Variants in METTL9 observed in about 807,000 individuals in gnomAD.
The protein encoded by METTL9 is protein-L-histidine N-pros-methyltransferase.
Under a neutral mutation model 36.0 loss-of-function variants are expected in METTL9, and 10 were observed. The observed-to-expected ratio is 0.28, with a 90% CI of 0.17 to 0.47. METTL9 has a LOEUF of 0.47. Ranked by LOEUF, METTL9 falls within the 20% of genes least tolerant of loss-of-function variation. The pLI is 0.99. For synonymous variants in METTL9, 175 were observed against 149.7 expected, an observed-to-expected ratio of 1.17 and a Z score of -1.23; for missense variants, 246 against 383.5, an observed-to-expected ratio of 0.64 and a Z score of 3.00.
intron 2 of METTL9, among the ~76,000 whole-genome samples, chr16:21,616,118 A>G (rs1385020586): frequency 6.6e-6 from 1 of 152,208 alleles, no homozygotes; most frequent in Non-Finnish European, 1.5e-5. Flanking sequence ...ACCGTGTTGC[A>G]TGCATCTTTC....
At chr16:21,648,401 C>T (rs1296002597) in intron 4 of METTL9, among the ~76,000 whole-genome samples, 1 of 152,118 alleles carries the variant, frequency 6.6e-6, no homozygotes, top group Non-Finnish European at 1.5e-5. Context: ...GTTTACCTGC[C>T]TAAGCTATAG....
chr16:21,602,789 C>G (rs1965170926), intron 1 of METTL9, among the ~76,000 whole-genome samples: 1 of 151,916 alleles, frequency 6.6e-6, no homozygotes, highest in Admixed American at 6.6e-5. Context: ...TCCCGAGTAG[C>G]TGGGATTACA....
At chr16:21,645,756 T>C (rs548071196) in intron 4 of METTL9, among the ~76,000 whole-genome samples, 1 of 152,352 alleles carries the variant, frequency 6.6e-6, no homozygotes, top group Non-Finnish European at 1.5e-5. Flanking sequence ...GCTAATGCAG[T>C]GAGACATACA....
At chr16:21,645,055 G>A (rs775631458) in intron 4 of METTL9, among the ~76,000 whole-genome samples, 67 of 152,168 alleles carry the variant, frequency 4.4e-4, no homozygotes, top group Admixed American at 1.7e-3. Context: ...TCTGGGTAGG[G>A]ATTAAGTAAC....
At chr16:21,628,598 A>G (rs1389568916) in intron 4 of METTL9, among the ~76,000 whole-genome samples, 1 of 151,818 alleles carries the variant, frequency 6.6e-6, no homozygotes, top group African/African-American at 2.4e-5. Flanking sequence ...GGCTCAAGCT[A>G]TTCTCCCACC....
At chr16:21,614,264 G>A (rs1965500730) in intron 2 of METTL9, among the ~76,000 whole-genome samples, 1 of 152,122 alleles carries the variant, frequency 6.6e-6, no homozygotes, top group Admixed American at 6.6e-5. Context: ...ATGAGTCACT[G>A]TAGCAGAGAT....
chr16:21,635,320 G>A (rs922851166), intron 4 of METTL9, among the ~76,000 whole-genome samples: 1 of 152,044 alleles, frequency 6.6e-6, no homozygotes, highest in South Asian at 2.1e-4. Flanking sequence ...GGAGGTTTGT[G>A]GTCCTTTGGA....
intron 1 of METTL9, among the ~76,000 whole-genome samples, chr16:21,607,363 C>T (rs187210302): frequency 5.9e-5 from 9 of 152,228 alleles, no homozygotes; most frequent in Admixed American, 2.0e-4. Flanking sequence ...TGTGAGCCAT[C>T]GTAGCCAGCC....
chr16:21,621,609 G>T (rs947784061), intron 3 of METTL9, among the ~76,000 whole-genome samples: 1 of 152,028 alleles, frequency 6.6e-6, no homozygotes, highest in African/African-American at 2.4e-5. Context: ...TTATAGGTGT[G>T]AGTCACTGCG....
intron 1 of METTL9, among the ~76,000 whole-genome samples, chr16:21,605,629 T>A (rs2007258389): frequency 6.6e-6 from 1 of 152,190 alleles, no homozygotes; most frequent in Non-Finnish European, 1.5e-5. Flanking sequence ...GTGTGCACAA[T>A]ACTTGTTGAA....
chr16:21,597,253 T>C, upstream of METTL9: 2 of 1,288,920 alleles, frequency 1.6e-6, no homozygotes, highest in Non-Finnish European at 2.0e-6. Context: ...CAAAGCTTCT[T>C]AGATGGATCG....
At chr16:21,649,746 C>T (rs1234950965) in intron 4 of METTL9, among the ~76,000 whole-genome samples, 1 of 152,058 alleles carries the variant, frequency 6.6e-6, no homozygotes, top group African/African-American at 2.4e-5. Flanking sequence ...ACTGTGTCGC[C>T]CAAACTGGAA....
chr16:21,643,279 T>A, intron 4 of METTL9: 2 of 711,210 alleles, frequency 2.8e-6, no homozygotes, highest in South Asian at 3.2e-5. Context: ...CCCCAACACA[T>A]ATGTGCCTAC....
intron 3 of METTL9, among the ~76,000 whole-genome samples, chr16:21,624,004 C>T (rs59062763): frequency 0.033 from 5,024 of 152,222 alleles, 305 homozygotes; most frequent in African/African-American, 0.11. Context: ...CTCCTGACCT[C>T]ATGATCCGCC....
Position 21,618,041 on chromosome 16 carries a change from C to G in METTL9, c.533C>G (p.Thr178Ser). The G allele has an allele frequency of 6.3e-7, 1 of 1,590,370 alleles. No individual in the cohort carries two copies. ...EEIYATELSETMIWQLQKKKY... is the reference protein window; with the variant it reads ...EEIYATELSESMIWQLQKKKY... ...ATCTATGCCACTGAGCTTTCTGAAA[C>G]TATGATATGGCAGCTTCAGAAAAAG... Residue 178 changes from threonine (T) to serine (S), a missense_variant, in exon 3 of 5, where the codon ACT becomes AGT. This residue lies in a region of METTL9 where 146 missense variants were observed against 302.1 expected (regional missense o/e 0.48). Coordinates refer to ENST00000358154, the MANE Select transcript of METTL9 (RefSeq NM_016025.5).
At chr16:21,599,497 A>T (rs959754755), upstream of METTL9, 3 of 1,212,880 alleles carry the variant, frequency 2.5e-6, no homozygotes, top group East Asian at 1.1e-4. This position sits in a 1 kb window ranked among gnomAD's most constrained non-coding sequence, Gnocchi z 4.4. Context: ...AGTGCTCCGG[A>T]TGGAAACTGG....
intron 1 of METTL9, among the ~76,000 whole-genome samples, chr16:21,611,705 C>T (rs932379052): frequency 6.6e-6 from 1 of 152,054 alleles, no homozygotes; most frequent in Admixed American, 6.5e-5. Context: ...CTCTAGTCTA[C>T]AAATGAATGG....
chr16:21,624,973 TGA>T lies in METTL9; in HGVS notation c.610_611del (p.Asp204CysfsTer12). On this transcript the variant is annotated frameshift_variant, in exon 4 of 5. Transcript: ENST00000358154. LOFTEE classifies it high-confidence loss of function. ...AATGGCAGAATACGGGGTTCCAGTATGATGTCATCAGCTGCCTGAACTTGCTG... is the reference window on the plus strand; with the variant it reads ...AATGGCAGAATACGGGGTTCCAGTATTGTCATCAGCTGCCTGAACTTGCTG... ...NEWQNTGFQY[D>X]VISCLNLLDR... is the part of the protein sequence containing the mutation. 6.2e-7 allele frequency: 1 copy of T among 1,614,164 alleles called. No homozygotes were observed. The highest frequency in any genetic ancestry group is 8.5e-7 in the Non-Finnish European group (1 of 1,180,038).
chr16:21,622,068 C>T (rs188262925), intron 3 of METTL9, among the ~76,000 whole-genome samples: 1 of 150,606 alleles, frequency 6.6e-6, no homozygotes, highest in Admixed American at 6.7e-5. Context: ...TCTTGAACTC[C>T]TGAGCTCAGG....
Sources: gnomAD v4.1 joint callset for allele counts (sites outside exome capture counted in the v4.1 genomes callset) on GRCh38, gnomAD v4.1.1 for gene constraint, gnomAD v4.1.1 regional missense constraint, Gnocchi (gnomAD v3.1) non-coding constraint, MANE v1.5 for transcripts, NCBI Gene and HGNC (gene_info 2026-07-23, HGNC 2026-07-21) for gene names.